UNC80: variants seen among roughly 807,000 people sequenced by gnomAD.
The protein encoded by UNC80 is protein unc-80 homolog.
In UNC80, 164 loss-of-function variants were observed where a neutral mutation model predicts 384.6. The observed-to-expected ratio is 0.43, with a 90% CI of 0.38 to 0.49. The LOEUF (loss-of-function observed/expected upper bound fraction) is 0.49. Ranked by LOEUF, UNC80 falls within the 20% of genes least tolerant of loss-of-function variation. The pLI is 0.00. For missense variants in UNC80, 3,330 were observed against 4,143.0 expected (o/e 0.80, Z 5.39); for synonymous variants, 1,486 against 1,527.8 (o/e 0.97, Z 0.64).
chr2:209,942,488 T>A (rs1272476731), intron 44 of UNC80, among the ~76,000 whole-genome samples: 2 of 152,200 alleles, frequency 1.3e-5, no homozygotes, highest in Non-Finnish European at 2.9e-5. Context: ...TTTACTCGTG[T>A]CTAATGTATA....
At chr2:209,836,055 G>T (rs1355374416) in intron 18 of UNC80, among the ~76,000 whole-genome samples, 1 of 152,066 alleles carries the variant, frequency 6.6e-6, no homozygotes, top group Admixed American at 6.6e-5. Flanking sequence ...ATGGAGACTA[G>T]GCTTGCTCAT....
chr2:209,922,036 A>T (rs760598598), intron 34 of UNC80, among the ~76,000 whole-genome samples: 1 of 152,160 alleles, frequency 6.6e-6, no homozygotes, highest in Non-Finnish European at 1.5e-5. Flanking sequence ...GAATTGAGTG[A>T]TTCTCTGTCC....
At position 209,806,109 on chromosome 2, in the gene UNC80, C is replaced by G. The variant is rs368691394; in HGVS notation, c.939-7471C>G. 7.2e-5 allele frequency among the ~76,000 whole-genome samples: 11 copies of G among 152,302 alleles called. No individual in the cohort carries two copies. The South Asian group carries it at 1.9e-3, about 26-fold the overall frequency. ...TTTACTTCAAATGCTACGCTTCTGT[C>G]TGACTTTTAAACATATCATAAAAAC... On this transcript the variant is annotated intron_variant, in intron 7 of 64. Coordinates refer to ENST00000673920, the MANE Select transcript of UNC80 (RefSeq NM_001371986.1).
rs1161902069 is a variant in UNC80 at position 209,976,959 on chromosome 2, A to G, written c.8819A>G (p.Gln2940Arg). 6.5e-7 allele frequency: 1 copy of G among 1,530,438 alleles called. No individual in the cohort carries two copies. 94.8% of individuals were successfully genotyped at this position (1,530,438 alleles called of 1,614,324 possible). Residue 2940 changes from glutamine (Q) to arginine (R), a missense_variant, in exon 58 of 65, where the codon CAA becomes CGA. Around this residue, in one of 8 missense-constraint regions of UNC80, gnomAD observed 216 missense variants for 245.3 expected, o/e 0.88. Transcript: ENST00000673920. The surrounding 1 kb of genome is among the most constrained non-coding windows in gnomAD (Gnocchi z 4.3). ...AATCATGAAGAGCTTTCCGCCCGGC[A>G]ACATATTGCCGACCAGCTGGAGCGG... ...AENHEELSAR[Q>R]HIADQLERRF...
In UNC80 at chr2:209,981,563, C is replaced by T. The variant is rs1016986867; in HGVS notation, c.9119-616C>T. On this transcript the variant is annotated intron_variant, in intron 59 of 64. Coordinates refer to ENST00000673920, the MANE Select transcript of UNC80 (RefSeq NM_001371986.1). ...ATGCACTCCAGCCTGGGCAACAGAGCGAGCCTCTGTCTCAAAAACAAAAAA... is the reference window on the plus strand; with the variant it reads ...ATGCACTCCAGCCTGGGCAACAGAGTGAGCCTCTGTCTCAAAAACAAAAAA... Among the ~76,000 whole-genome samples the T allele has an allele frequency of 2.7e-5, 4 of 150,574 alleles. No individual in the cohort carries two copies. In the East Asian group the frequency reaches 5.9e-4, roughly 22 times the overall value.
intron 21 of UNC80, among the ~76,000 whole-genome samples, chr2:209,846,408 T>G (rs989203216): frequency 4.6e-5 from 7 of 152,018 alleles, no homozygotes; most frequent in African/African-American, 1.7e-4. Context: ...ATTAAAACAA[T>G]TTTTTTCAAG....
intron 15 of UNC80, 123 bp from the exon 16 acceptor site, chr2:209,831,320 A>C: frequency 9.6e-7 from 1 of 1,039,214 alleles, no homozygotes; most frequent in Non-Finnish European, 1.3e-6. Flanking sequence ...GGCATCTTTA[A>C]TTCCTTGTTT....
chr2:209,896,134 G>A (rs370849964), intron 27 of UNC80, among the ~76,000 whole-genome samples, 179 bp from the exon 28 acceptor site: 1 of 152,094 alleles, frequency 6.6e-6, no homozygotes, highest in South Asian at 2.1e-4. Context: ...CAGTTCAGCT[G>A]GTGGTGAAGG....
At chr2:209,880,907 T>A in intron 24 of UNC80, 54 bp from the exon 25 acceptor site, 1 of 1,516,326 alleles carries the variant, frequency 6.6e-7, no homozygotes, top group Admixed American at 2.0e-5. Context: ...AACTATGCAT[T>A]TCTGTATTTT....
chr2:209,972,341 T>G lies in UNC80; in HGVS notation c.8380+17T>G, dbSNP rs775677679. The G allele has an allele frequency of 1.3e-6, 2 of 1,548,412 alleles. No homozygotes were observed. Among genetic ancestry groups the G allele is most frequent in the Non-Finnish European group, 1.7e-6 (2 of 1,145,776 alleles). On this transcript the variant is annotated intron_variant, in intron 55 of 64. Transcript: ENST00000673920. ...GAAGCAAAGGTCTGATTAATTTAACTAAAGGAAATTTATCATTGTTGTTGT... is the reference window on the plus strand; with the variant it reads ...GAAGCAAAGGTCTGATTAATTTAACGAAAGGAAATTTATCATTGTTGTTGT...
intron 22 of UNC80, among the ~76,000 whole-genome samples, chr2:209,854,527 TG>T (rs1210288797): frequency 2.0e-5 from 3 of 152,000 alleles, no homozygotes; most frequent in African/African-American, 7.2e-5. Flanking sequence ...ACCTACTGAA[TG>T]GGAGAAAATT....
chr2:209,929,768 T>G, intron 36 of UNC80, 103 bp from the exon 37 acceptor site: 1 of 867,526 alleles, frequency 1.2e-6, no homozygotes, highest in Non-Finnish European at 1.7e-6. Context: ...CAGAGCCTTT[T>G]AAGGCAAAAA....
intron 61 of UNC80, among the ~76,000 whole-genome samples, chr2:209,987,795 A>G (rs780377147): frequency 1.3e-5 from 2 of 152,194 alleles, no homozygotes; most frequent in Admixed American, 6.5e-5. Context: ...AAAATAACCT[A>G]TATAGTGGAA....
At chr2:209,785,015 A>T (rs574607075) in intron 4 of UNC80, among the ~76,000 whole-genome samples, 1 of 152,120 alleles carries the variant, frequency 6.6e-6, no homozygotes, top group South Asian at 2.1e-4. Flanking sequence ...TTTTCCTTCC[A>T]TCCCAATGGT....
intron 24 of UNC80, among the ~76,000 whole-genome samples, chr2:209,880,512 T>C (rs533663349): frequency 1.3e-5 from 2 of 152,360 alleles, no homozygotes; most frequent in African/African-American, 4.8e-5. Context: ...AGAATTTTTA[T>C]AGCTCCAAAT....
At chr2:209,934,254 G>A (rs920882868) in intron 39 of UNC80, among the ~76,000 whole-genome samples, 1 of 152,168 alleles carries the variant, frequency 6.6e-6, no homozygotes, top group Non-Finnish European at 1.5e-5. Flanking sequence ...TTGAAGGGCT[G>A]CCAAGGTTGA....
intron 38 of UNC80, among the ~76,000 whole-genome samples, chr2:209,931,364 A>ACAC (rs2090852580): frequency 1.6e-5 from 2 of 125,558 alleles, no homozygotes; most frequent in Non-Finnish European, 3.4e-5. Context: ...TCTATGTTTA[A>ACAC]ACACACACAC....
intron 62 of UNC80, among the ~76,000 whole-genome samples, chr2:209,992,636 G>A (rs1420250054): frequency 6.6e-6 from 1 of 152,110 alleles, no homozygotes; most frequent in Non-Finnish European, 1.5e-5. Flanking sequence ...AAAGTAAGTG[G>A]GGCTATAATT....
At chr2:209,856,508 A>G (rs1248424675) in intron 22 of UNC80, among the ~76,000 whole-genome samples, 1 of 152,084 alleles carries the variant, frequency 6.6e-6, no homozygotes, top group Non-Finnish European at 1.5e-5. Context: ...CCAAGGTAGC[A>G]AAGACATTCT....
Sources: gnomAD v4.1 joint callset for allele counts (sites outside exome capture counted in the v4.1 genomes callset) on GRCh38, gnomAD v4.1.1 for gene constraint, gnomAD v4.1.1 regional missense constraint, Gnocchi (gnomAD v3.1) non-coding constraint, MANE v1.5 for transcripts, NCBI Gene and HGNC (gene_info 2026-07-23, HGNC 2026-07-21) for gene names.